ZNF804A: variants seen among roughly 807,000 people sequenced by gnomAD.
ZNF804A encodes the protein zinc finger protein 804A.
ZNF804A carries 2 observed loss-of-function variants against 16.5 expected under a neutral mutation model. The observed-to-expected ratio is 0.12, with a 90% CI of 0.05 to 0.38. The LOEUF (loss-of-function observed/expected upper bound fraction) is 0.38. Ranked by LOEUF, ZNF804A falls within the 10% of genes least tolerant of loss-of-function variation. ZNF804A has a pLI of 0.99. For synonymous variants in ZNF804A, 534 were observed against 489.6 expected, an observed-to-expected ratio of 1.09 and a Z score of -1.20; for missense variants, 1,473 against 1,390.7, an observed-to-expected ratio of 1.06 and a Z score of -0.94.
chr2:184,635,085 A>G (rs963027007), intron 1 of ZNF804A, among the ~76,000 whole-genome samples: 1 of 152,198 alleles, frequency 6.6e-6, no homozygotes, highest in Non-Finnish European at 1.5e-5. Flanking sequence ...TCTACTTATG[A>G]AATGGATATT....
At chr2:184,671,135 T>G (rs1193336098) in intron 1 of ZNF804A, among the ~76,000 whole-genome samples, 2 of 152,182 alleles carry the variant, frequency 1.3e-5, no homozygotes, top group African/African-American at 4.8e-5. Context: ...CAGTTCAGGC[T>G]TTTGAGCTTT....
At chr2:184,698,583 T>C (rs1692872349) in intron 1 of ZNF804A, among the ~76,000 whole-genome samples, 1 of 152,010 alleles carries the variant, frequency 6.6e-6, no homozygotes, top group African/African-American at 2.4e-5. Context: ...CTGCAAATGG[T>C]GGAGGACTGT....
intron 1 of ZNF804A, among the ~76,000 whole-genome samples, chr2:184,767,409 A>T (rs1694144585): frequency 6.6e-6 from 1 of 152,134 alleles, no homozygotes; most frequent in Admixed American, 6.6e-5. Flanking sequence ...AAACTCATAG[A>T]CACAGAAAGT....
At chr2:184,768,733 A>G (rs1402818434) in intron 1 of ZNF804A, among the ~76,000 whole-genome samples, 1 of 152,108 alleles carries the variant, frequency 6.6e-6, no homozygotes, top group Non-Finnish European at 1.5e-5. Flanking sequence ...CATGTCTTAT[A>G]AAACCAAAAT....
chr2:184,652,002 G>A (rs1691991573), intron 1 of ZNF804A, among the ~76,000 whole-genome samples: 1 of 152,028 alleles, frequency 6.6e-6, no homozygotes, highest in African/African-American at 2.4e-5. Context: ...TTTAATTGTA[G>A]AACATTCACA....
intron 1 of ZNF804A, among the ~76,000 whole-genome samples, chr2:184,734,117 C>T (rs1693570164): frequency 6.6e-6 from 1 of 152,010 alleles, no homozygotes; most frequent in African/African-American, 2.4e-5. Context: ...CCGTGTCACC[C>T]AGGCTGGAGT....
At chr2:184,760,059 T>A (rs539755217) in intron 1 of ZNF804A, among the ~76,000 whole-genome samples, 1 of 152,156 alleles carries the variant, frequency 6.6e-6, no homozygotes, top group African/African-American at 2.4e-5. Flanking sequence ...AGGCAAGGAC[T>A]GCCATTTTCA....
At chr2:184,641,725 C>T (rs1466374827) in intron 1 of ZNF804A, among the ~76,000 whole-genome samples, 1 of 152,112 alleles carries the variant, frequency 6.6e-6, no homozygotes, top group Non-Finnish European at 1.5e-5. Context: ...AAGTTTCCAA[C>T]ATATGTCTAA....
At chr2:184,783,270 GAGTGATC>G (rs1694400884) in intron 1 of ZNF804A, among the ~76,000 whole-genome samples, 1 of 147,534 alleles carries the variant, frequency 6.8e-6, no homozygotes, top group African/African-American at 2.5e-5. Context: ...CCAAAATTTA[GAGTGATC>G]TACATAAAAA....
chr2:184,654,643 T>C (rs1692046182), intron 1 of ZNF804A, among the ~76,000 whole-genome samples: 1 of 152,184 alleles, frequency 6.6e-6, no homozygotes, highest in Non-Finnish European at 1.5e-5. Context: ...GTTGTCTCCA[T>C]AGTCAAATAT....
rs1281286713 is a variant in ZNF804A at position 184,776,530 on chromosome 2, G to A, written c.112-89839G>A. The stretch of plus-strand genomic sequence containing the variant: ...TGTAAAAGTTAGTACTTCGGAATGT[G>A]TAATTATTCTCTCTGTCAGAATAAT... On this transcript the variant is annotated intron_variant, in intron 1 of 3. Coordinates refer to ENST00000302277, the MANE Select transcript of ZNF804A (RefSeq NM_194250.2). Among the ~76,000 whole-genome samples the A allele has an allele frequency of 2.7e-5, 4 of 150,570 alleles. 1 individual carries two copies. Among genetic ancestry groups the A allele is most frequent in the Non-Finnish European group, 5.9e-5 (4 of 67,406 alleles).
rs568446291 is a variant in ZNF804A, at chr2:184,780,335, G to A, written c.112-86034G>A. Among the ~76,000 whole-genome samples the A allele has an allele frequency of 2.0e-5, 3 of 151,872 alleles. No homozygotes were observed. In the South Asian group the frequency reaches 6.2e-4, roughly 32 times the overall value. ...CCACTGGAAGGGTTTAATTCTTAGT[G>A]AAACCAGTAAATAATAATTTATATG... is the stretch of plus-strand genomic sequence containing the variant. On this transcript the variant is annotated intron_variant, in intron 1 of 3. Coordinates refer to ENST00000302277, the MANE Select transcript of ZNF804A (RefSeq NM_194250.2).
chr2:184,646,213 A>T (rs1691868599), intron 1 of ZNF804A, among the ~76,000 whole-genome samples: 1 of 152,178 alleles, frequency 6.6e-6, no homozygotes. Flanking sequence ...AAGGGCTTCC[A>T]CAGCCAGAAC....
At chr2:184,785,485 G>A (rs1299977905) in intron 1 of ZNF804A, among the ~76,000 whole-genome samples, 1 of 151,866 alleles carries the variant, frequency 6.6e-6, no homozygotes, top group African/African-American at 2.4e-5. Context: ...CTGATATTAT[G>A]GAGGTGTAAT....
intron 1 of ZNF804A, among the ~76,000 whole-genome samples, chr2:184,605,232 T>C (rs1466537563): frequency 6.6e-6 from 1 of 152,238 alleles, no homozygotes; most frequent in East Asian, 1.9e-4. Context: ...CAAAAAAAGA[T>C]AGCAGTTATA....
At chr2:184,779,458 A>G (rs1574208500) in intron 1 of ZNF804A, among the ~76,000 whole-genome samples, 2 of 151,846 alleles carry the variant, frequency 1.3e-5, no homozygotes, top group Non-Finnish European at 2.9e-5. Context: ...ACCTGTGAAT[A>G]TGTTAGGTTA....
At chr2:184,896,800 C>G (rs1014497173) in intron 2 of ZNF804A, among the ~76,000 whole-genome samples, 6 of 143,402 alleles carry the variant, frequency 4.2e-5, no homozygotes, top group Non-Finnish European at 8.0e-5. Context: ...CATCGAAATT[C>G]AACATTACAA....
In ZNF804A at chr2:184,598,703, C is replaced by G. The variant is rs370931594; in HGVS notation, c.-257C>G. 1 of 278,952 alleles carries G rather than the reference C, an allele frequency of 3.6e-6. No homozygotes were observed. The highest frequency in any genetic ancestry group is 6.6e-6 in the Non-Finnish European group (1 of 151,132). The allele number at this position is 278,952 out of a possible 1,614,324, so 17.3% of individuals were successfully genotyped here. On this transcript the variant is annotated 5_prime_UTR_variant, in exon 1 of 4. Transcript: ENST00000302277. ...TAGGCTGGAATCCTCCCGCGGGGCTCGTCGTCCCGACGCGAATCTGAGGAG... is the reference window on the plus strand; with the variant it reads ...TAGGCTGGAATCCTCCCGCGGGGCTGGTCGTCCCGACGCGAATCTGAGGAG...
chr2:184,669,062 G>GGTTGCAGAAAATGAAT (rs1263564361), intron 1 of ZNF804A, among the ~76,000 whole-genome samples: 1 of 151,762 alleles, frequency 6.6e-6, no homozygotes, highest in African/African-American at 2.4e-5. Context: ...CATCCCTTTT[G>GGTTGCAGAAAATGAAT]GTTGCAGAAA....
Sources: gnomAD v4.1 joint callset for allele counts (sites outside exome capture counted in the v4.1 genomes callset) on GRCh38, gnomAD v4.1.1 for gene constraint, MANE v1.5 for transcripts, NCBI Gene and HGNC (gene_info 2026-07-23, HGNC 2026-07-21) for gene names.